The following NMNAT2 variants were observed in gnomAD, a reference collection of about 807,000 sequenced individuals.
NMNAT2 encodes the protein nicotinamide/nicotinic acid mononucleotide adenylyltransferase 2.
NMNAT2 carries 11 observed loss-of-function variants against 41.6 expected under a neutral mutation model. The ratio of observed to expected loss-of-function variants is 0.26; its 90% CI spans 0.17 to 0.44. NMNAT2 has a LOEUF of 0.44. NMNAT2 is among the 20% of genes least tolerant of loss of function. NMNAT2 has a pLI of 1.00. For synonymous variants in NMNAT2, 148 were observed against 151.2 expected, an observed-to-expected ratio of 0.98 and a Z score of 0.16; for missense variants, 288 against 407.7, an observed-to-expected ratio of 0.71 and a Z score of 2.53.
At chr1:183,288,054 G>A (rs639442) in intron 4 of NMNAT2, among the ~76,000 whole-genome samples, 105,489 of 152,080 alleles carry the variant, frequency 0.69, 37,298 homozygotes, top group African/African-American at 0.83. Flanking sequence ...GGTGGGGTGG[G>A]AGGGATGGTC....
rs572569620 is a variant in NMNAT2, at chr1:183,261,128, T to G, written c.754-59A>C. The G allele has an allele frequency of 3.9e-5, 62 of 1,601,148 alleles. No individual in the cohort carries two copies. In the East Asian group the frequency reaches 1.4e-3, roughly 36 times the overall value. On this transcript the variant is annotated intron_variant, in intron 9 of 10. Transcript: ENST00000287713. ...CCCTCCCACTAAACTCCTTTTGCTC[T>G]CTCACTCCTCCAGCTGCCAGGACTC...
chr1:183,405,260 G>A (rs1304727427), intron 1 of NMNAT2, among the ~76,000 whole-genome samples: 3 of 151,988 alleles, frequency 2.0e-5, no homozygotes, highest in Non-Finnish European at 4.4e-5. Flanking sequence ...CGAAACAATA[G>A]GATTCTAGGA....
chr1:183,282,129 G>A (rs959466720), intron 7 of NMNAT2, among the ~76,000 whole-genome samples: 5 of 152,200 alleles, frequency 3.3e-5, no homozygotes, highest in Non-Finnish European at 7.3e-5. Context: ...TCCTTTCTCG[G>A]AACCTAAGTG....
chr1:183,290,025 G>A (rs1045283463), intron 4 of NMNAT2, 103 bp downstream of exon 4: 19 of 881,280 alleles, frequency 2.2e-5, no homozygotes, highest in East Asian at 2.7e-5. Context: ...AGGTCGATAG[G>A]CCAGCAGCAC....
chr1:183,374,174 A>G (rs2101912468), intron 1 of NMNAT2, among the ~76,000 whole-genome samples: 1 of 152,332 alleles, frequency 6.6e-6, no homozygotes, highest in East Asian at 1.9e-4. Flanking sequence ...TCTCTCCCTA[A>G]GTCTACACTC....
chr1:183,260,249 G>A (rs1660623874), intron 10 of NMNAT2, among the ~76,000 whole-genome samples: 1 of 152,212 alleles, frequency 6.6e-6, no homozygotes, highest in Non-Finnish European at 1.5e-5. Context: ...TCCACTGGCT[G>A]AGAAGAGCCA....
intron 1 of NMNAT2, among the ~76,000 whole-genome samples, chr1:183,322,732 C>G (rs768562422): frequency 6.6e-6 from 1 of 152,208 alleles, no homozygotes; most frequent in Non-Finnish European, 1.5e-5. Flanking sequence ...CAGGACCACA[C>G]AGCAAAGCCT....
At chr1:183,285,369 C>T (rs1661375742) in intron 5 of NMNAT2, among the ~76,000 whole-genome samples, 1 of 152,202 alleles carries the variant, frequency 6.6e-6, no homozygotes, top group South Asian at 2.1e-4. Flanking sequence ...AAAGTACATG[C>T]TTGGAACCAT....
At chr1:183,273,708 C>G (rs1661042920) in intron 8 of NMNAT2, among the ~76,000 whole-genome samples, 2 of 152,174 alleles carry the variant, frequency 1.3e-5, no homozygotes, top group South Asian at 4.1e-4. Flanking sequence ...TCTGCCAGCT[C>G]TATTTTTCTT....
At chr1:183,321,468 C>T (rs559237740) in intron 1 of NMNAT2, among the ~76,000 whole-genome samples, 6 of 152,270 alleles carry the variant, frequency 3.9e-5, no homozygotes, top group Admixed American at 6.5e-5. Context: ...TGGCCAGGCG[C>T]GGTGGCTCAC....
chr1:183,319,104 G>A (rs1034693807), intron 1 of NMNAT2, among the ~76,000 whole-genome samples: 15 of 152,174 alleles, frequency 9.9e-5, no homozygotes, highest in Non-Finnish European at 2.1e-4. Flanking sequence ...CTGTGCTGCA[G>A]CAGAAGCTAT....
intron 1 of NMNAT2, among the ~76,000 whole-genome samples, chr1:183,358,463 C>A (rs910430387): frequency 2.0e-5 from 3 of 152,068 alleles, no homozygotes; most frequent in Non-Finnish European, 4.4e-5. Flanking sequence ...CAGGGGAATC[C>A]TCACAAAGAA....
In NMNAT2 at chr1:183,399,478, A is replaced by C. The variant is rs145874197; in HGVS notation, c.85+18705T>G. 1.0e-3 allele frequency among the ~76,000 whole-genome samples: 152 copies of C among 152,324 alleles called. 4 individuals carry two copies. The East Asian group carries it at 0.026, about 26-fold the overall frequency. ...AGGATTCACATCTGAATTCTACCAGAGATACAAAGAGGAGCTGGTACCATT... is the reference window on the plus strand; with the variant it reads ...AGGATTCACATCTGAATTCTACCAGCGATACAAAGAGGAGCTGGTACCATT... On this transcript the variant is annotated intron_variant, in intron 1 of 10. Transcript: ENST00000287713.
intron 1 of NMNAT2, among the ~76,000 whole-genome samples, chr1:183,341,230 T>C (rs1438004502): frequency 1.3e-5 from 2 of 152,176 alleles, no homozygotes; most frequent in South Asian, 2.1e-4. Context: ...TGGCTCACTG[T>C]GAGACTCTGG....
intron 1 of NMNAT2, among the ~76,000 whole-genome samples, chr1:183,401,791 C>G (rs980417558): frequency 6.6e-6 from 1 of 152,088 alleles, no homozygotes; most frequent in African/African-American, 2.4e-5. Context: ...TGGAAACTAT[C>G]ATTCTGAGCA....
At chr1:183,266,881 A>G (rs1324918200) in intron 8 of NMNAT2, 1 of 159,048 alleles carries the variant, frequency 6.3e-6, no homozygotes, top group African/African-American at 2.4e-5. Context: ...GGCTGATGTG[A>G]AGACTACCAA....
At chr1:183,303,265 GAATTAGGCCA>G (rs1425895713) in intron 1 of NMNAT2, among the ~76,000 whole-genome samples, 1 of 152,188 alleles carries the variant, frequency 6.6e-6, no homozygotes, top group Non-Finnish European at 1.5e-5. Flanking sequence ...AGGCAGGGAA[GAATTAGGCCA>G]AATTAGGAGG....
intron 1 of NMNAT2, among the ~76,000 whole-genome samples, chr1:183,318,072 T>G (rs1662290613): frequency 6.6e-6 from 1 of 152,214 alleles, no homozygotes; most frequent in Admixed American, 6.5e-5. Flanking sequence ...ACAGTTATTC[T>G]AAGGGCAGAG....
chr1:183,271,015 G>A (rs898983013), intron 8 of NMNAT2, among the ~76,000 whole-genome samples: 2 of 152,154 alleles, frequency 1.3e-5, no homozygotes, highest in African/African-American at 4.8e-5. Context: ...TGGTTGGCTG[G>A]AAAAATGTAG....
Sources: allele counts gnomAD v4.1 joint callset (sites outside exome capture counted in the v4.1 genomes callset), GRCh38; gene constraint gnomAD v4.1.1; transcripts MANE v1.5; gene names NCBI Gene and HGNC (gene_info 2026-07-23, HGNC 2026-07-21).